SNX7: variants seen among roughly 807,000 people sequenced by gnomAD.
SNX7 encodes the protein sorting nexin-7.
A neutral mutation model predicts 48.4 loss-of-function variants in SNX7; 35 were observed. The observed-to-expected ratio is 0.72, with a 90% CI of 0.55 to 0.96. The LOEUF (loss-of-function observed/expected upper bound fraction) is 0.96, where lower values mean the gene tolerates loss of function less well. Among genes scored for constraint, SNX7 ranks in the 40% least tolerant of loss-of-function variants. The pLI is 0.00. For missense variants in SNX7, 553 were observed against 548.9 expected (o/e 1.01, Z -0.07); for synonymous variants, 190 against 190.2 (o/e 1.00, Z 0.01).
At chr1:98,720,537 C>T (rs1652808915) in intron 7 of SNX7, among the ~76,000 whole-genome samples, 1 of 152,046 alleles carries the variant, frequency 6.6e-6, no homozygotes, top group Non-Finnish European at 1.5e-5. Flanking sequence ...TTGAGCTATA[C>T]ATATGACACT....
intron 7 of SNX7, among the ~76,000 whole-genome samples, chr1:98,731,760 G>C (rs1653526785): frequency 6.6e-6 from 1 of 152,036 alleles, no homozygotes; most frequent in Non-Finnish European, 1.5e-5. Context: ...CATAGAAAAA[G>C]TACAGTAAAA....
chr1:98,716,824 G>A (rs1570562778), intron 7 of SNX7, among the ~76,000 whole-genome samples: 1 of 151,970 alleles, frequency 6.6e-6, no homozygotes, highest in South Asian at 2.1e-4. Flanking sequence ...TAAAAGTTTG[G>A]TGTTTTCTTC....
At chr1:98,741,377 CAT>C (rs1267025674) in intron 8 of SNX7, among the ~76,000 whole-genome samples, 1 of 152,070 alleles carries the variant, frequency 6.6e-6, no homozygotes, top group African/African-American at 2.4e-5. Context: ...ATAATTGTGT[CAT>C]GTTATATTTA....
chr1:98,733,070 T>A (rs6692569), intron 7 of SNX7, among the ~76,000 whole-genome samples: 6,456 of 152,208 alleles, frequency 0.042, 428 homozygotes, highest in East Asian at 0.34. Flanking sequence ...AGCTTAACTT[T>A]AATCTTGATT....
intron 1 of SNX7, among the ~76,000 whole-genome samples, chr1:98,676,909 T>TC (rs1245305746): frequency 6.6e-6 from 1 of 152,176 alleles, no homozygotes; most frequent in Non-Finnish European, 1.5e-5. Flanking sequence ...ATTTTTGGCC[T>TC]CCTTTATGAT....
Position 98,711,080 on chromosome 1 carries a change from G to A in SNX7, c.1125+9177G>A, listed in dbSNP as rs189134768. Reference sequence around the variant, plus strand: ...CACCCAGGCTGGAGGGCAATGGCACGATCTTGGCTCACTGCAACCTCTGTC... The same window carrying A: ...CACCCAGGCTGGAGGGCAATGGCACAATCTTGGCTCACTGCAACCTCTGTC... On this transcript the variant is annotated intron_variant, in intron 7 of 8. Transcript: ENST00000306121. Among the ~76,000 whole-genome samples, 84 of 152,218 alleles carry A rather than the reference G, an allele frequency of 5.5e-4. No individual in the cohort carries two copies. In the Middle Eastern group the frequency reaches 0.01, roughly 18 times the overall value.
intron 7 of SNX7, among the ~76,000 whole-genome samples, chr1:98,715,403 G>C (rs4625302): frequency 0.99 from 151,381 of 152,280 alleles, 75,247 homozygotes; most frequent in Middle Eastern, 1. Context: ...ATTCTGCACC[G>C]TTTGATGACT....
intron 7 of SNX7, among the ~76,000 whole-genome samples, chr1:98,733,790 C>T (rs1374389654): frequency 6.6e-6 from 1 of 151,938 alleles, no homozygotes; most frequent in African/African-American, 2.4e-5. Context: ...CCAACCAGAT[C>T]CTCCCTATTG....
At chr1:98,700,765 G>T (rs1265568646) in intron 6 of SNX7, among the ~76,000 whole-genome samples, 1 of 152,014 alleles carries the variant, frequency 6.6e-6, no homozygotes, top group Non-Finnish European at 1.5e-5. Flanking sequence ...TGTACTAAGT[G>T]ATTCTTAATC....
At chr1:98,717,812 G>A (rs927698135) in intron 7 of SNX7, among the ~76,000 whole-genome samples, 2 of 151,988 alleles carry the variant, frequency 1.3e-5, no homozygotes, top group Non-Finnish European at 2.9e-5. Flanking sequence ...AGGGTAAGAG[G>A]CATTTTCAAA....
chr1:98,716,716 T>TC (rs1652611031), intron 7 of SNX7, among the ~76,000 whole-genome samples: 1 of 150,118 alleles, frequency 6.7e-6, no homozygotes, highest in African/African-American at 2.4e-5. Context: ...ATAAATACAA[T>TC]TTTTTTTTTC....
At chr1:98,722,092 T>C (rs889736317) in intron 7 of SNX7, among the ~76,000 whole-genome samples, 1 of 152,114 alleles carries the variant, frequency 6.6e-6, no homozygotes, top group Non-Finnish European at 1.5e-5. Flanking sequence ...ATTTGAGGGA[T>C]GTTAATGGTG....
intron 8 of SNX7, among the ~76,000 whole-genome samples, chr1:98,743,213 G>A (rs184552284): frequency 4.9e-4 from 75 of 151,956 alleles, no homozygotes; most frequent in African/African-American, 1.7e-3. Flanking sequence ...TAAACACAGG[G>A]GTGGCGTGGC....
At chr1:98,730,456 A>T (rs1653452206) in intron 7 of SNX7, among the ~76,000 whole-genome samples, 1 of 152,094 alleles carries the variant, frequency 6.6e-6, no homozygotes, top group African/African-American at 2.4e-5. Flanking sequence ...GAAGAGAGGA[A>T]ATCAAGCTGT....
At chr1:98,713,973 A>G (rs1342963477) in intron 7 of SNX7, among the ~76,000 whole-genome samples, 1 of 152,226 alleles carries the variant, frequency 6.6e-6, no homozygotes, top group Non-Finnish European at 1.5e-5. Flanking sequence ...TGTTGGAAAA[A>G]TGATGCTGGT....
In SNX7 at chr1:98,754,396, T is replaced by G. The variant is rs558639053; in HGVS notation, c.1279-5658T>G. Among the ~76,000 whole-genome samples, 142 of 152,162 alleles carry G rather than the reference T, an allele frequency of 9.3e-4. 1 individual carries two copies. Among genetic ancestry groups the G allele is most frequent in the African/African-American group, 3.2e-3 (131 of 41,548 alleles). Reference sequence around the variant, plus strand: ...ATGTCTTCAATTTTCTGGAAGAGATTATATGGAATTAGTATGATTTCTTCC... The same window carrying G: ...ATGTCTTCAATTTTCTGGAAGAGATGATATGGAATTAGTATGATTTCTTCC... On this transcript the variant is annotated intron_variant, in intron 8 of 8. Transcript: ENST00000306121.
intron 2 of SNX7, among the ~76,000 whole-genome samples, chr1:98,687,557 G>T (rs1385262644): frequency 1.3e-5 from 2 of 152,028 alleles, no homozygotes; most frequent in Non-Finnish European, 2.9e-5. Flanking sequence ...CAAGTATTGT[G>T]CTTATATATT....
At chr1:98,698,233 A>G (rs1321521550) in intron 5 of SNX7, among the ~76,000 whole-genome samples, 2 of 152,240 alleles carry the variant, frequency 1.3e-5, no homozygotes, top group African/African-American at 2.4e-5. Flanking sequence ...GGAATTGGTG[A>G]TTTACTGGCT....
At chr1:98,683,942 T>C (rs1438614623) in intron 1 of SNX7, among the ~76,000 whole-genome samples, 1 of 152,092 alleles carries the variant, frequency 6.6e-6, no homozygotes. Flanking sequence ...TTCTACCAAA[T>C]TGGGGTGGGA....
Sources: allele counts gnomAD v4.1 joint callset (sites outside exome capture counted in the v4.1 genomes callset), GRCh38; gene constraint gnomAD v4.1.1; transcripts MANE v1.5; gene names NCBI Gene and HGNC (gene_info 2026-07-23, HGNC 2026-07-21).